SUN3: variants seen among roughly 807,000 people sequenced by gnomAD.
The protein encoded by SUN3 is Sad1 and UNC84 domain containing 3.
Under a neutral mutation model 48.2 loss-of-function variants are expected in SUN3, and 36 were observed. The ratio of observed to expected loss-of-function variants is 0.75; its 90% confidence interval spans 0.57 to 0.99. The LOEUF is 0.99. Ranked by LOEUF, SUN3 falls within the 50% of genes least tolerant of loss-of-function variation. The probability of loss-of-function intolerance (pLI) is 0.00; values close to 1 mark genes in which losing one functional copy is unlikely to be tolerated. For missense variants in SUN3, 419 were observed against 433.1 expected (o/e 0.97, Z 0.29); for synonymous variants, 148 against 147.9 (o/e 1.00, Z 0.00).
chr7:48,016,830 C>G (rs1789827632), intron 3 of SUN3, among the ~76,000 whole-genome samples: 1 of 152,128 alleles, frequency 6.6e-6, no homozygotes, highest in Non-Finnish European at 1.5e-5. Flanking sequence ...GCTCACAGTT[C>G]TGGATGCTTG....
chr7:47,987,403 C>T lies in SUN3; in HGVS notation c.1001G>A (p.Ser334Asn), dbSNP rs778530533. ...YLLCVKLNIFSNWGHPKYTCL... is the reference protein window; with the variant it reads ...YLLCVKLNIFNNWGHPKYTCL... ...AGTATACTTCGGGTGTCCCCAGTTG[C>T]TAAAGATATTAAGTTTCACACATAA... Residue 334 changes from serine (S) to asparagine (N), a missense_variant, in exon 10 of 10, where the codon AGC becomes AAC. Physicochemically the swap from Ser to Asn is conservative, Grantham distance 46. Coordinates refer to ENST00000297325, the MANE Select transcript of SUN3 (RefSeq NM_001030019.2). 1 of 1,604,280 alleles carries T rather than the reference C, an allele frequency of 6.2e-7. No individual in the cohort carries two copies. The highest frequency in any genetic ancestry group is 2.2e-5 in the East Asian group (1 of 44,554).
chr7:48,032,841 C>T (rs1044804115), upstream of SUN3, among the ~76,000 whole-genome samples: 1 of 152,070 alleles, frequency 6.6e-6, no homozygotes, highest in Non-Finnish European at 1.5e-5. Context: ...TGGAAAAGCA[C>T]AAATGGAGGA....
intron 1 of SUN3, among the ~76,000 whole-genome samples, chr7:48,028,284 G>T (rs1211705750): frequency 6.6e-6 from 1 of 151,676 alleles, no homozygotes; most frequent in Non-Finnish European, 1.5e-5. Flanking sequence ...AGGGTATTTG[G>T]ATTCCCTGCT....
At chr7:48,012,783 T>C (rs1424851163) in intron 3 of SUN3, among the ~76,000 whole-genome samples, 1 of 152,240 alleles carries the variant, frequency 6.6e-6, no homozygotes, top group Non-Finnish European at 1.5e-5. Flanking sequence ...CCCATTGTGG[T>C]GGTGTTAAGA....
At chr7:48,033,660 T>A (rs914067744), upstream of SUN3, among the ~76,000 whole-genome samples, 1 of 152,218 alleles carries the variant, frequency 6.6e-6, no homozygotes, top group Non-Finnish European at 1.5e-5. Context: ...AAGAAGGTTA[T>A]CAACTTGGAT....
chr7:48,021,462 A>G (rs1789993709), intron 2 of SUN3, among the ~76,000 whole-genome samples: 1 of 152,110 alleles, frequency 6.6e-6, no homozygotes. Flanking sequence ...CAACAAAGTG[A>G]AGAGACAACC....
At chr7:47,992,926 G>C (rs553456553) in intron 8 of SUN3, among the ~76,000 whole-genome samples, 1 of 152,196 alleles carries the variant, frequency 6.6e-6, no homozygotes, top group East Asian at 1.9e-4. Context: ...GCCAAGGCGG[G>C]AGGATCCTGA....
upstream of SUN3, among the ~76,000 whole-genome samples, chr7:48,033,428 G>A (rs1790277386): frequency 6.6e-6 from 1 of 151,968 alleles, no homozygotes; most frequent in Non-Finnish European, 1.5e-5. Flanking sequence ...TAGATGTGGT[G>A]CTGTGGGCCT....
intron 9 of SUN3, 56 bp downstream of exon 9, chr7:47,988,732 A>T (rs1788967676): frequency 1.5e-5 from 17 of 1,130,924 alleles, no homozygotes; most frequent in Non-Finnish European, 2.2e-5. Context: ...AAGCAATCCC[A>T]ACAAATTTCT....
At chr7:47,989,353 C>T (rs1208033608) in intron 8 of SUN3, among the ~76,000 whole-genome samples, 1 of 152,186 alleles carries the variant, frequency 6.6e-6, no homozygotes, top group Non-Finnish European at 1.5e-5. Flanking sequence ...AGATTTTGAT[C>T]ACACAAATAA....
At chr7:48,018,324 A>G (rs1178181030) in intron 2 of SUN3, among the ~76,000 whole-genome samples, 1 of 152,184 alleles carries the variant, frequency 6.6e-6, no homozygotes, top group Non-Finnish European at 1.5e-5. Context: ...GTGGCTAACC[A>G]CTGAGATAGT....
intron 2 of SUN3, among the ~76,000 whole-genome samples, chr7:48,019,709 T>TA (rs1333787193): frequency 1.3e-5 from 2 of 151,844 alleles, no homozygotes; most frequent in East Asian, 3.9e-4. Context: ...ACTAGACACA[T>TA]ACAACCTACC....
chr7:47,991,702 C>A (rs539827739), intron 8 of SUN3, among the ~76,000 whole-genome samples: 16 of 152,194 alleles, frequency 1.1e-4, no homozygotes, highest in Admixed American at 9.2e-4. Context: ...ACAAACTACT[C>A]GGGCTGTACG....
intron 2 of SUN3, among the ~76,000 whole-genome samples, 175 bp downstream of exon 2, chr7:48,025,702 T>C (rs1215179607): frequency 6.6e-6 from 1 of 152,214 alleles, no homozygotes; most frequent in African/African-American, 2.4e-5. Flanking sequence ...AAGCCAGTAT[T>C]ACTCTTACAA....
Position 47,988,835 on chromosome 7 carries a change from A to C in SUN3, c.907T>G (p.Phe303Val). 1 of 1,607,352 alleles carries C rather than the reference A, an allele frequency of 6.2e-7. No homozygotes were observed. Among genetic ancestry groups the C allele is most frequent in the Non-Finnish European group, 8.5e-7 (1 of 1,176,278 alleles). ...CEGEEIFLGQFIYNKTGTTVQ... is the reference protein window; with the variant it reads ...CEGEEIFLGQVIYNKTGTTVQ... ...GTGGTTCCTGTTTTGTTATATATAAACTGACCTAGGAAAATTTCTTCTCCT... is the reference window on the plus strand; with the variant it reads ...GTGGTTCCTGTTTTGTTATATATAACCTGACCTAGGAAAATTTCTTCTCCT... The change falls in exon 9 of 10, where the codon TTT becomes GTT. Residue 303 changes from phenylalanine to valine, a missense_variant. Physicochemically the swap from Phe to Val is conservative, Grantham distance 50. Coordinates refer to ENST00000297325, the MANE Select transcript of SUN3 (RefSeq NM_001030019.2).
intron 5 of SUN3, 64 bp downstream of exon 5, chr7:48,007,101 C>T (rs1789544049): frequency 3.3e-6 from 5 of 1,507,568 alleles, no homozygotes; most frequent in African/African-American, 1.4e-5. Context: ...CACTCCCCGT[C>T]ACCCTGGACA....
At chr7:48,001,064 A>C (rs1342156862) in intron 6 of SUN3, among the ~76,000 whole-genome samples, 1 of 151,830 alleles carries the variant, frequency 6.6e-6, no homozygotes, top group Non-Finnish European at 1.5e-5. Context: ...ATTTCTTTTG[A>C]TCTATCTTCA....
intron 1 of SUN3, among the ~76,000 whole-genome samples, chr7:48,027,823 A>G (rs1373481935): frequency 2.0e-5 from 3 of 152,152 alleles, no homozygotes; most frequent in African/African-American, 7.2e-5. Context: ...CTTCCTTTTA[A>G]CTATTATTGG....
intron 6 of SUN3, among the ~76,000 whole-genome samples, chr7:47,997,576 A>C (rs1230721067): frequency 6.6e-6 from 1 of 152,218 alleles, no homozygotes; most frequent in Non-Finnish European, 1.5e-5. Context: ...AGCTTTATTA[A>C]GATATAATTC....
Sources: allele counts gnomAD v4.1 joint callset (sites outside exome capture counted in the v4.1 genomes callset), GRCh38; gene constraint gnomAD v4.1.1; transcripts MANE v1.5; gene names NCBI Gene and HGNC (gene_info 2026-07-23, HGNC 2026-07-21).